The following ERC1 variants were observed in gnomAD, a reference collection of about 807,000 sequenced individuals.
ERC1 encodes the protein ELKS/RAB6-interacting/CAST family member 1.
Under a neutral mutation model 132.0 loss-of-function variants are expected in ERC1, and 56 were observed. The observed-to-expected ratio is 0.42, with a 90% confidence interval of 0.34 to 0.53. The LOEUF (loss-of-function observed/expected upper bound fraction) is 0.53, where lower values mean the gene tolerates loss of function less well. ERC1 is among the 20% of genes least tolerant of loss of function. ERC1 has a pLI of 0.03. For missense variants in ERC1, 1,202 were observed against 1,349.9 expected, an observed-to-expected ratio of 0.89 and a Z score of 1.72; for synonymous variants, 478 against 476.1, an observed-to-expected ratio of 1.00 and a Z score of -0.05.
At chr12:1,226,786 T>C (rs2074611317) in intron 12 of ERC1, among the ~76,000 whole-genome samples, 1 of 152,144 alleles carries the variant, frequency 6.6e-6, no homozygotes, top group African/African-American at 2.4e-5. Context: ...AAGCAATTTT[T>C]CTGCCTCAGC....
chr12:1,463,697 C>CTGTGTGTGTGTGTGTG lies in ERC1; in HGVS notation c.3213+18967_3213+18982dup, dbSNP rs57210462. On this transcript the variant is annotated intron_variant, in intron 18 of 18. Transcript: ENST00000360905. The stretch of plus-strand genomic sequence containing the variant: ...GAAGAGAGGGGTTGGGGTGCTAAGA[C>CTGTGTGTGTGTGTGTG]TGTGTGTGTGTGTGTGTGTGTGTGT... Among the ~76,000 whole-genome samples, 1,327 of 136,092 alleles carry CTGTGTGTGTGTGTGTG rather than the reference C, an allele frequency of 9.8e-3. 29 individuals carry two copies. Among genetic ancestry groups the CTGTGTGTGTGTGTGTG allele is most frequent in the African/African-American group, 0.028 (945 of 34,108 alleles). 89.3% of individuals were successfully genotyped at this position (136,092 alleles called of 152,430 possible). A position where few individuals can be genotyped will look rare whatever the true frequency, so the allele number is the denominator to read the frequency against.
chr12:1,434,424 G>A (rs7135327), intron 17 of ERC1, among the ~76,000 whole-genome samples: 37,365 of 152,066 alleles, frequency 0.25, 7,730 homozygotes, highest in African/African-American at 0.57. Context: ...TTATTGACTC[G>A]TGTAGTTACC....
At chr12:1,096,971 T>A (rs73037088) in intron 3 of ERC1, among the ~76,000 whole-genome samples, 1 of 152,236 alleles carries the variant, frequency 6.6e-6, no homozygotes, top group African/African-American at 2.4e-5. Context: ...TATTGTTATC[T>A]TGTATTATAT....
chr12:1,371,281 C>G (rs1037066281), intron 15 of ERC1, among the ~76,000 whole-genome samples: 1 of 152,292 alleles, frequency 6.6e-6, no homozygotes, highest in South Asian at 2.1e-4. Flanking sequence ...TAAATGGAAT[C>G]GTGCAGTATT....
At chr12:1,001,140 G>A (rs1962181844) in intron 1 of ERC1, among the ~76,000 whole-genome samples, 1 of 152,182 alleles carries the variant, frequency 6.6e-6, no homozygotes, top group Admixed American at 6.5e-5. Context: ...GACCTCAGGT[G>A]ATCTGCTCAC....
intron 2 of ERC1, among the ~76,000 whole-genome samples, chr12:1,065,773 A>G (rs1336363571): frequency 6.6e-6 from 1 of 152,032 alleles, no homozygotes; most frequent in Non-Finnish European, 1.5e-5. Context: ...TCCTGCAGGT[A>G]TATCTACAGT....
In ERC1 at chr12:1,311,369, G is replaced by A. The variant is rs539994074; in HGVS notation, c.2780+21357G>A. ...TTTTTGTCAAACTTCAGTAGTGTTAGAGGTATGAGATCAGCCTTAGTTGAT... is the reference window on the plus strand; with the variant it reads ...TTTTTGTCAAACTTCAGTAGTGTTAAAGGTATGAGATCAGCCTTAGTTGAT... On this transcript the variant is annotated intron_variant, in intron 15 of 18. Transcript: ENST00000360905. 4.6e-5 allele frequency among the ~76,000 whole-genome samples: 7 copies of A among 152,338 alleles called. No individual in the cohort carries two copies. In the South Asian group the frequency reaches 8.3e-4, roughly 18 times the overall value.
chr12:1,165,784 G>A (rs1952360921), intron 8 of ERC1, among the ~76,000 whole-genome samples: 1 of 152,128 alleles, frequency 6.6e-6, no homozygotes, highest in Non-Finnish European at 1.5e-5. Flanking sequence ...GGTTAATTTG[G>A]ATGGAATTTT....
At chr12:1,299,803 G>T (rs996474157) in intron 15 of ERC1, among the ~76,000 whole-genome samples, 3 of 151,990 alleles carry the variant, frequency 2.0e-5, no homozygotes, top group African/African-American at 7.3e-5. Context: ...ACGAGAGAGG[G>T]GTTATCACTC....
At chr12:1,074,715 A>G (rs1208308563) in intron 2 of ERC1, among the ~76,000 whole-genome samples, 1 of 152,172 alleles carries the variant, frequency 6.6e-6, no homozygotes, top group Non-Finnish European at 1.5e-5. Context: ...TTATCTTGCT[A>G]CTTAGATTTA....
chr12:1,147,688 G>A (rs928876193), intron 8 of ERC1, among the ~76,000 whole-genome samples: 1 of 152,020 alleles, frequency 6.6e-6, no homozygotes, highest in Non-Finnish European at 1.5e-5. Context: ...AGTAAAATAC[G>A]AATTTTTAAA....
At chr12:1,446,430 C>A (rs1055626640) in intron 18 of ERC1, among the ~76,000 whole-genome samples, 6 of 152,048 alleles carry the variant, frequency 3.9e-5, no homozygotes, top group African/African-American at 1.5e-4. Flanking sequence ...TATTCCTTAC[C>A]CCCTATAGAT....
intron 13 of ERC1, among the ~76,000 whole-genome samples, chr12:1,256,463 G>T (rs533009634): frequency 2.4e-4 from 34 of 139,262 alleles, no homozygotes; most frequent in African/African-American, 8.7e-4. Context: ...TCAAATGTGA[G>T]GATTCACTCA....
At position 1,444,646 on chromosome 12, in the gene ERC1, C is replaced by T. The variant is rs1250697148; in HGVS notation, c.3109C>T (p.Arg1037Ter). The part of the protein sequence containing the change: ...IGHLTTLCHD[R>*]DPLILRGLTP... ...ACACCTGACAACCCTCTGCCATGAC[C>T]GAGACCCCCTGATCCTCCGTGGACT... is the stretch of plus-strand genomic sequence containing the variant. The change falls in exon 18 of 19, where the codon CGA becomes TGA. Residue 1037 changes from arginine (R) to a stop codon, truncating the protein, a stop_gained. Coordinates refer to ENST00000360905, the MANE Select transcript of ERC1 (RefSeq NM_178040.4). LOFTEE classifies it high-confidence loss of function. The T allele has an allele frequency of 1.9e-6, 3 of 1,614,026 alleles. No homozygotes were observed. Among genetic ancestry groups the T allele is most frequent in the Non-Finnish European group, 2.5e-6 (3 of 1,179,934 alleles).
chr12:1,043,171 G>A (rs1028970969), intron 2 of ERC1, among the ~76,000 whole-genome samples: 4 of 151,432 alleles, frequency 2.6e-5, no homozygotes, highest in Non-Finnish European at 4.4e-5. Flanking sequence ...AGTCTCCCAA[G>A]TAGCAGGGAC....
At chr12:1,193,147 A>ACCATAATT (rs1955894179) in intron 12 of ERC1, among the ~76,000 whole-genome samples, 1 of 152,144 alleles carries the variant, frequency 6.6e-6, no homozygotes, top group Non-Finnish European at 1.5e-5. Flanking sequence ...TGTATTATGA[A>ACCATAATT]GGATTCCCAG....
chr12:1,127,629 C>T lies in ERC1; in HGVS notation c.1569+11596C>T, dbSNP rs550906616. ...TGTTGTTTAAAAAACAGCATCCATC[C>T]CGTTTTTTAAAAGTAAAAAACAGGT... On this transcript the variant is annotated intron_variant, in intron 7 of 18. Transcript: ENST00000360905. Among the ~76,000 whole-genome samples the T allele has an allele frequency of 2.0e-5, 3 of 151,866 alleles. No individual in the cohort carries two copies. In the East Asian group the frequency reaches 5.8e-4, roughly 29 times the overall value.
chr12:1,367,350 A>G (rs1294675416), intron 15 of ERC1, among the ~76,000 whole-genome samples: 1 of 152,190 alleles, frequency 6.6e-6, no homozygotes, highest in Non-Finnish European at 1.5e-5. Context: ...TGTTTTCAGT[A>G]TGATAGAATG....
chr12:1,366,046 C>T (rs1205433148), intron 15 of ERC1, among the ~76,000 whole-genome samples: 4 of 152,160 alleles, frequency 2.6e-5, no homozygotes, highest in Non-Finnish European at 5.9e-5. Flanking sequence ...TAAATGATGA[C>T]TGCCAGAGGC....
Sources: allele counts gnomAD v4.1 joint callset (sites outside exome capture counted in the v4.1 genomes callset), GRCh38; gene constraint gnomAD v4.1.1; transcripts MANE v1.5; gene names NCBI Gene and HGNC (gene_info 2026-07-23, HGNC 2026-07-21).